TSPAN18: variants seen among roughly 807,000 people sequenced by gnomAD.
TSPAN18 encodes the protein tetraspanin-18.
A neutral mutation model predicts 27.3 loss-of-function variants in TSPAN18; 14 were observed. That is an observed-to-expected ratio of 0.51 (90% CI 0.34 to 0.80). The LOEUF (loss-of-function observed/expected upper bound fraction) is 0.80. Ranked by LOEUF, TSPAN18 falls within the 30% of genes least tolerant of loss-of-function variation. The probability of loss-of-function intolerance (pLI) is 0.01; values close to 1 mark genes in which losing one functional copy is unlikely to be tolerated. For synonymous variants in TSPAN18, 143 were observed against 136.5 expected, an observed-to-expected ratio of 1.05 and a Z score of -0.33; for missense variants, 268 against 323.9, an observed-to-expected ratio of 0.83 and a Z score of 1.32.
chr11:44,916,631 G>T (rs888735523), intron 5 of TSPAN18, among the ~76,000 whole-genome samples: 1 of 152,184 alleles, frequency 6.6e-6, no homozygotes, highest in Non-Finnish European at 1.5e-5. Flanking sequence ...GTTTGTATGA[G>T]TGGTTGTCCC....
rs150877056 is a variant in TSPAN18 at position 44,856,267 on chromosome 11, A to T, written c.-152-4061A>T. ...CCATTGCCTGTGGATAAATTTCATCATCCTTGGTCTGGCATTCAAGGACCT... is the reference window on the plus strand; with the variant it reads ...CCATTGCCTGTGGATAAATTTCATCTTCCTTGGTCTGGCATTCAAGGACCT... On this transcript the variant is annotated intron_variant, in intron 2 of 9. Coordinates refer to ENST00000520358, the MANE Select transcript of TSPAN18 (RefSeq NM_130783.5). Among the ~76,000 whole-genome samples, 1,031 of 152,176 alleles carry T rather than the reference A, an allele frequency of 6.8e-3. 4 individuals are homozygous for T. Among genetic ancestry groups the T allele is most frequent in the Non-Finnish European group, 0.011 (724 of 67,992 alleles).
At chr11:44,888,705 C>T (rs1858743576) in intron 3 of TSPAN18, among the ~76,000 whole-genome samples, 1 of 152,178 alleles carries the variant, frequency 6.6e-6, no homozygotes, top group African/African-American at 2.4e-5. Context: ...GGCCAGTCCC[C>T]TCCCCTCTGG....
At chr11:44,926,922 TGA>T (rs1292738990) in intron 9 of TSPAN18, among the ~76,000 whole-genome samples, 165 bp downstream of exon 9, 1 of 152,204 alleles carries the variant, frequency 6.6e-6, no homozygotes, top group Non-Finnish European at 1.5e-5. Flanking sequence ...CTGTGCTGCC[TGA>T]GAGTCATTCT....
chr11:44,798,201 A>G (rs999913479), intron 2 of TSPAN18, among the ~76,000 whole-genome samples: 14 of 152,104 alleles, frequency 9.2e-5, no homozygotes. Context: ...GCTGTTGAGG[A>G]TTATTCTGAA....
intron 2 of TSPAN18, among the ~76,000 whole-genome samples, chr11:44,812,377 C>CT (rs1298347438): frequency 6.6e-6 from 1 of 152,202 alleles, no homozygotes; most frequent in African/African-American, 2.4e-5. Context: ...TTACTATGCC[C>CT]TTTCCCTCCT....
At position 44,727,262 on chromosome 11, in the gene TSPAN18, C is replaced by T. The variant is rs2134776869; in HGVS notation, c.-265C>T. 1 of 151,952 alleles carries T rather than the reference C, an allele frequency of 6.6e-6. No homozygotes were observed. The highest frequency in any genetic ancestry group is 1.9e-4 in the East Asian group (1 of 5,134). 9.4% of individuals were successfully genotyped at this position (151,952 alleles called of 1,614,324 possible). ...CCCCGGCCGCCGGCGGGATTTGGCGCGGGGTCCGGCAGCCGCCGCTGGAAG... is the reference window on the plus strand; with the variant it reads ...CCCCGGCCGCCGGCGGGATTTGGCGTGGGGTCCGGCAGCCGCCGCTGGAAG... On this transcript the variant is annotated 5_prime_UTR_variant, in exon 1 of 10. Transcript: ENST00000520358.
chr11:44,790,623 T>C (rs1856196398), intron 2 of TSPAN18, among the ~76,000 whole-genome samples: 2 of 151,126 alleles, frequency 1.3e-5, no homozygotes, highest in African/African-American at 4.8e-5. Flanking sequence ...TGTGTGTGTG[T>C]GCATGTGTAC....
At chr11:44,841,209 C>T (rs1489459320) in intron 2 of TSPAN18, among the ~76,000 whole-genome samples, 1 of 152,146 alleles carries the variant, frequency 6.6e-6, no homozygotes, top group African/African-American at 2.4e-5. Flanking sequence ...ACAAGGTAGC[C>T]AGGAATTCAT....
chr11:44,739,857 G>A (rs1392937858), intron 1 of TSPAN18, among the ~76,000 whole-genome samples: 1 of 152,192 alleles, frequency 6.6e-6, no homozygotes, highest in Non-Finnish European at 1.5e-5. Flanking sequence ...TGGAGGAACC[G>A]GAGGGAACAG....
intron 2 of TSPAN18, among the ~76,000 whole-genome samples, chr11:44,793,405 T>C (rs1337570693): frequency 6.6e-6 from 1 of 152,130 alleles, no homozygotes; most frequent in African/African-American, 2.4e-5. Flanking sequence ...GCACCAGGCA[T>C]CAGAACGGAA....
intron 1 of TSPAN18, among the ~76,000 whole-genome samples, chr11:44,761,581 G>A (rs762734209): frequency 3.9e-5 from 6 of 152,154 alleles, no homozygotes; most frequent in Non-Finnish European, 7.3e-5. Flanking sequence ...CACCGAAGAC[G>A]GGAGACAGCT....
chr11:44,905,128 A>C (rs954351240), intron 3 of TSPAN18, among the ~76,000 whole-genome samples: 6 of 152,156 alleles, frequency 3.9e-5, no homozygotes, highest in African/African-American at 1.4e-4. Context: ...GCTTTGATAC[A>C]CATTTTACTA....
intron 2 of TSPAN18, among the ~76,000 whole-genome samples, chr11:44,796,678 G>T (rs1383655940): frequency 6.6e-6 from 1 of 152,128 alleles, no homozygotes; most frequent in Non-Finnish European, 1.5e-5. Context: ...GAAGGACAAG[G>T]ATAGCCTCAG....
intron 2 of TSPAN18, among the ~76,000 whole-genome samples, chr11:44,852,087 C>G (rs957088505): frequency 5.3e-5 from 8 of 152,216 alleles, no homozygotes; most frequent in Admixed American, 5.2e-4. Flanking sequence ...ATATCACTTA[C>G]TGCCTTCTAC....
chr11:44,919,091 C>G (rs1860026210), intron 6 of TSPAN18, 123 bp from the exon 7 acceptor site: 2 of 761,620 alleles, frequency 2.6e-6, no homozygotes, highest in Non-Finnish European at 4.5e-6. Flanking sequence ...GGACCTGGCA[C>G]CAGGATGCAG....
intron 3 of TSPAN18, among the ~76,000 whole-genome samples, chr11:44,896,404 G>A (rs1316808102): frequency 6.6e-6 from 1 of 152,114 alleles, no homozygotes; most frequent in Non-Finnish European, 1.5e-5. Context: ...GGGGATGATG[G>A]TGTGATACCT....
chr11:44,856,621 G>A lies in TSPAN18; in HGVS notation c.-152-3707G>A, dbSNP rs1209833916. ...AATAATGAACAGCACCTTTGAAGGT[G>A]TAATCTGTGCCTCTCTCATCCTTGG... On this transcript the variant is annotated intron_variant, in intron 2 of 9. Coordinates refer to ENST00000520358, the MANE Select transcript of TSPAN18 (RefSeq NM_130783.5). Among the ~76,000 whole-genome samples the A allele has an allele frequency of 2.0e-5, 3 of 152,162 alleles. No homozygotes were observed. The East Asian group carries it at 5.8e-4, about 29-fold the overall frequency.
upstream of TSPAN18, chr11:44,726,877 C>G (rs1302333303): frequency 1.8e-4 from 1 of 5,626 alleles, no homozygotes; most frequent in Non-Finnish European, 9.0e-4. Flanking sequence ...CCGGGAGGGG[C>G]GGAGGTTTGG....
At position 44,931,020 on chromosome 11, in the gene TSPAN18, G is replaced by A. The variant is rs1416975045; in HGVS notation, c.*1842G>A. ...GCCCCCTTCTGAGATGCAGCCAGAAGCTCTGTGCCTGCTGCAAAGATTCAG... is the reference window on the plus strand; with the variant it reads ...GCCCCCTTCTGAGATGCAGCCAGAAACTCTGTGCCTGCTGCAAAGATTCAG... On this transcript the variant is annotated 3_prime_UTR_variant, in exon 10 of 10. Coordinates refer to ENST00000520358, the MANE Select transcript of TSPAN18 (RefSeq NM_130783.5). 3 of 460,350 alleles carry A rather than the reference G, an allele frequency of 6.5e-6. No homozygotes were observed. The East Asian group carries it at 2.1e-4, about 32-fold the overall frequency. The allele number at this position is 460,350 out of a possible 1,614,324, so 28.5% of individuals were successfully genotyped here. A position where few individuals can be genotyped will look rare whatever the true frequency, so the allele number is the denominator to read the frequency against.
Sources: allele counts gnomAD v4.1 joint callset (sites outside exome capture counted in the v4.1 genomes callset), GRCh38; gene constraint gnomAD v4.1.1; transcripts MANE v1.5; gene names NCBI Gene and HGNC (gene_info 2026-07-23, HGNC 2026-07-21).